Variants in IPO11 observed in about 807,000 individuals in gnomAD.
The protein encoded by IPO11 is importin 11.
A neutral mutation model predicts 143.2 loss-of-function variants in IPO11; 66 were observed. The observed-to-expected ratio is 0.46, with a 90% CI of 0.38 to 0.57. IPO11 has a LOEUF of 0.57. Among genes scored for constraint, IPO11 ranks in the 20% least tolerant of loss-of-function variants. The pLI is 0.00. For missense variants in IPO11, 1,026 were observed against 1,141.0 expected (o/e 0.90, Z 1.45); for synonymous variants, 385 against 377.8 (o/e 1.02, Z -0.22).
chr5:62,430,616 C>T (rs1743948391), intron 1 of IPO11, among the ~76,000 whole-genome samples: 1 of 152,006 alleles, frequency 6.6e-6, no homozygotes, highest in Admixed American at 6.6e-5. Flanking sequence ...GCCGCCATGC[C>T]AGGCCCCTTA....
intron 27 of IPO11, among the ~76,000 whole-genome samples, chr5:62,586,108 G>T (rs1744761205): frequency 1.3e-5 from 2 of 152,096 alleles, no homozygotes; most frequent in African/African-American, 2.4e-5. Context: ...TGTACTTAGG[G>T]TTACAGAGCT....
intron 26 of IPO11, among the ~76,000 whole-genome samples, chr5:62,558,954 A>G (rs1743672043): frequency 6.6e-6 from 1 of 152,194 alleles, no homozygotes; most frequent in South Asian, 2.1e-4. Flanking sequence ...ATATAGTTAT[A>G]ATTACACTAT....
At chr5:62,557,881 C>T (rs556990472) in intron 26 of IPO11, among the ~76,000 whole-genome samples, 6 of 152,182 alleles carry the variant, frequency 3.9e-5, no homozygotes, top group Non-Finnish European at 8.8e-5. Context: ...ACTCTCAGCC[C>T]TCTCTTCTCT....
chr5:62,546,403 A>G (rs886644095), intron 24 of IPO11, among the ~76,000 whole-genome samples: 2 of 152,126 alleles, frequency 1.3e-5, no homozygotes, highest in Non-Finnish European at 2.9e-5. Context: ...AACAATGAGA[A>G]TACTTGGACA....
chr5:62,623,065 A>G (rs894194461), intron 29 of IPO11, among the ~76,000 whole-genome samples: 8 of 152,232 alleles, frequency 5.3e-5, no homozygotes, highest in Admixed American at 2.6e-4. Flanking sequence ...AGGAGAGTTT[A>G]TATCCAACAG....
At chr5:62,491,592 C>T (rs1012987431) in intron 15 of IPO11, among the ~76,000 whole-genome samples, 1 of 151,856 alleles carries the variant, frequency 6.6e-6, no homozygotes, top group Non-Finnish European at 1.5e-5. Flanking sequence ...AAATTTAAAG[C>T]CATGTAAAAT....
At chr5:62,422,656 C>T (rs971165409) in intron 1 of IPO11, 1 of 152,164 alleles carries the variant, frequency 6.6e-6, no homozygotes, top group African/African-American at 2.4e-5. Flanking sequence ...ATATACCAAA[C>T]AGGCAAGAGA....
rs530403519 is a variant in IPO11, at chr5:62,448,269, A to G, written c.240-1658A>G. On this transcript the variant is annotated intron_variant, in intron 3 of 29. Transcript: ENST00000325324. ...GGTGTGCTTGACAAAGGAATAATTC[A>G]TGTCCCAGGCCAGACAGGGCAGGAC... 4.6e-5 allele frequency among the ~76,000 whole-genome samples: 7 copies of G among 151,980 alleles called. No homozygotes were observed. In the South Asian group the frequency reaches 1.5e-3, roughly 32 times the overall value.
intron 19 of IPO11, among the ~76,000 whole-genome samples, chr5:62,514,274 C>G (rs988392135): frequency 1.3e-5 from 2 of 152,130 alleles, no homozygotes; most frequent in African/African-American, 4.8e-5. Flanking sequence ...GAGCCGAGAT[C>G]ATGCCACTGC....
At chr5:62,537,378 G>A in intron 24 of IPO11, 89 bp downstream of exon 24, 1 of 862,800 alleles carries the variant, frequency 1.2e-6, no homozygotes, top group South Asian at 1.6e-5. Flanking sequence ...TTCGCAAGAA[G>A]GAGAAGAGTT....
chr5:62,605,690 A>G (rs1364842043), intron 29 of IPO11, among the ~76,000 whole-genome samples: 1 of 150,316 alleles, frequency 6.7e-6, no homozygotes, highest in Non-Finnish European at 1.5e-5. Context: ...CTTTCTCACA[A>G]CTCTATGATA....
intron 24 of IPO11, among the ~76,000 whole-genome samples, chr5:62,549,575 C>T (rs1743324684): frequency 6.6e-6 from 1 of 152,172 alleles, no homozygotes; most frequent in African/African-American, 2.4e-5. Flanking sequence ...TTGCCCATAA[C>T]CCTCTCAGAT....
chr5:62,581,521 C>T (rs955438587), intron 27 of IPO11: 2 of 451,432 alleles, frequency 4.4e-6, no homozygotes, highest in Non-Finnish European at 7.9e-6. Context: ...GCTAACATTT[C>T]TGTGTATCAA....
intron 27 of IPO11, 112 bp from the exon 28 acceptor site, chr5:62,591,465 T>C (rs962911284): frequency 3.2e-6 from 2 of 628,948 alleles, no homozygotes; most frequent in African/African-American, 1.9e-5. Context: ...GTTTCTTTTG[T>C]ATTTCACAGC....
chr5:62,444,699 C>T (rs914921853), intron 3 of IPO11, among the ~76,000 whole-genome samples: 2 of 151,832 alleles, frequency 1.3e-5, no homozygotes, highest in South Asian at 4.1e-4. Context: ...CGAAACCCCA[C>T]CTCTTCTAAA....
intron 27 of IPO11, among the ~76,000 whole-genome samples, chr5:62,572,197 A>G (rs1368227944): frequency 6.6e-6 from 1 of 152,222 alleles, no homozygotes; most frequent in South Asian, 2.1e-4. Flanking sequence ...TAGTCTGATT[A>G]GAAAATGAGA....
chr5:62,575,256 A>G (rs1744277151), intron 27 of IPO11, among the ~76,000 whole-genome samples: 1 of 152,222 alleles, frequency 6.6e-6, no homozygotes, highest in African/African-American at 2.4e-5. Context: ...TATGACCTTT[A>G]CCCAGAATCA....
intron 20 of IPO11, among the ~76,000 whole-genome samples, chr5:62,520,446 C>T (rs576700831): frequency 2.0e-5 from 3 of 151,906 alleles, no homozygotes; most frequent in South Asian, 2.1e-4. Flanking sequence ...CATATGTATA[C>T]GTGTGCCATG....
intron 1 of IPO11, among the ~76,000 whole-genome samples, chr5:62,413,699 G>T (rs1216253102): frequency 6.6e-6 from 1 of 152,126 alleles, no homozygotes; most frequent in Non-Finnish European, 1.5e-5. Flanking sequence ...CAGTTGTAGC[G>T]CGGTAGTGCC....
Sources: allele counts gnomAD v4.1 joint callset (sites outside exome capture counted in the v4.1 genomes callset), GRCh38; gene constraint gnomAD v4.1.1; transcripts MANE v1.5; gene names NCBI Gene and HGNC (gene_info 2026-07-23, HGNC 2026-07-21).